ACACA: variants seen among roughly 807,000 people sequenced by gnomAD.
The protein encoded by ACACA is acetyl-CoA carboxylase 1.
Under a neutral mutation model 296.1 loss-of-function variants are expected in ACACA, and 103 were observed. The observed-to-expected ratio is 0.35, with a 90% CI of 0.30 to 0.41. The LOEUF (loss-of-function observed/expected upper bound fraction) is 0.41. ACACA is among the 10% of genes least tolerant of loss of function. ACACA has a pLI of 1.00. For synonymous variants in ACACA, 953 were observed against 1,038.6 expected, an observed-to-expected ratio of 0.92 and a Z score of 1.58; for missense variants, 1,554 against 2,989.7, an observed-to-expected ratio of 0.52 and a Z score of 11.20.
At chr17:37,295,415 G>C (rs2083280209) in intron 3 of ACACA, among the ~76,000 whole-genome samples, 1 of 152,198 alleles carries the variant, frequency 6.6e-6, no homozygotes, top group South Asian at 2.1e-4. Context: ...AGTTCTTGGT[G>C]TTTTGAACAA....
At chr17:37,102,474 T>C (rs184126144) in intron 52 of ACACA, among the ~76,000 whole-genome samples, 8 of 152,296 alleles carry the variant, frequency 5.3e-5, no homozygotes, top group Non-Finnish European at 1.2e-4. Flanking sequence ...AGTGCTGGGA[T>C]TACAGGTGTG....
intron 3 of ACACA, among the ~76,000 whole-genome samples, chr17:37,316,282 C>A (rs535087383): frequency 1.1e-4 from 16 of 146,868 alleles, no homozygotes; most frequent in Admixed American, 3.5e-4. Flanking sequence ...ATTGTCTACC[C>A]TACCAGCTCT....
At chr17:37,324,458 T>G (rs1158044993) in intron 3 of ACACA, among the ~76,000 whole-genome samples, 1 of 149,080 alleles carries the variant, frequency 6.7e-6, no homozygotes, top group South Asian at 2.1e-4. Context: ...TCACGTGAGG[T>G]CGGGAGTTTG....
At chr17:37,246,670 CG>C (rs550098191) in intron 19 of ACACA, among the ~76,000 whole-genome samples, 155 bp downstream of exon 19, 98 of 152,146 alleles carry the variant, frequency 6.4e-4, no homozygotes, top group Non-Finnish European at 1.2e-3. Context: ...TGGGCTCAAG[CG>C]ATCTTCCTGC....
At chr17:37,275,816 G>T in intron 8 of ACACA, 135 bp downstream of exon 8, 1 of 793,578 alleles carries the variant, frequency 1.3e-6, no homozygotes, top group Non-Finnish European at 2.2e-6. Context: ...TAAGCTAGGA[G>T]CTACAAGGTA....
intron 39 of ACACA, among the ~76,000 whole-genome samples, chr17:37,181,900 C>CAA (rs61045031): frequency 0.055 from 1,208 of 22,144 alleles, 152 homozygotes; most frequent in African/African-American, 0.092. Flanking sequence ...ACTCTGTATC[C>CAA]AAAAAAAAAA....
At chr17:37,268,772 G>A (rs1187636921) in intron 10 of ACACA, among the ~76,000 whole-genome samples, 1 of 96,062 alleles carries the variant, frequency 1.0e-5, no homozygotes, top group Non-Finnish European at 2.0e-5. Flanking sequence ...TATATATCTG[G>A]TTCAGCTTTT....
At chr17:37,300,699 T>C (rs1321086745) in intron 3 of ACACA, among the ~76,000 whole-genome samples, 2 of 152,058 alleles carry the variant, frequency 1.3e-5, no homozygotes, top group Admixed American at 1.3e-4. Context: ...GCAACTTAAG[T>C]TGTAAAGACT....
At chr17:37,229,334 CTCTCTGTTCCGCAGGCTGGAGTGCAGTG>C (rs1348392826) in intron 25 of ACACA, among the ~76,000 whole-genome samples, 5 of 151,916 alleles carry the variant, frequency 3.3e-5, no homozygotes, top group Non-Finnish European at 7.4e-5. Flanking sequence ...GACGGAGTCT[CTCTCTGTTCCGCAGGCTGGAGTGCAGTG>C]GCGCAATCTT....
rs767069964 is a variant in ACACA at position 37,252,076 on chromosome 17, C to T, written c.2010G>A (p.Val670=). The part of the protein sequence containing the change: ...AERPDTMLGV[V]CGALHVADVS... ...CATCTGCCACGTGGAGGGCACCACACACAACCCCCAACATGGTGTCAGGTC... is the reference window on the plus strand; with the variant it reads ...CATCTGCCACGTGGAGGGCACCACATACAACCCCCAACATGGTGTCAGGTC... Residue 670 remains valine (V), a synonymous_variant, in exon 16 of 56, where the codon GTG becomes GTA. Transcript: ENST00000616317. The T allele has an allele frequency of 6.2e-7, 1 of 1,614,174 alleles. No homozygotes were observed. The highest frequency in any genetic ancestry group is 2.2e-5 in the East Asian group (1 of 44,886).
At chr17:37,219,492 C>T (rs1017606082) in intron 29 of ACACA, among the ~76,000 whole-genome samples, 6 of 152,108 alleles carry the variant, frequency 3.9e-5, no homozygotes, top group African/African-American at 1.4e-4. Flanking sequence ...CCACTTATGG[C>T]CCCATCTGAA....
intron 3 of ACACA, among the ~76,000 whole-genome samples, chr17:37,317,280 T>C (rs1002094623): frequency 6.6e-6 from 1 of 152,050 alleles, no homozygotes; most frequent in Non-Finnish European, 1.5e-5. Flanking sequence ...TATTCCTCAG[T>C]GTTTCTATTT....
chr17:37,315,587 G>C (rs1291808091), intron 3 of ACACA, among the ~76,000 whole-genome samples: 2 of 152,178 alleles, frequency 1.3e-5, no homozygotes, highest in Non-Finnish European at 2.9e-5. Flanking sequence ...AGATTCCCAT[G>C]ACCCCTTCCT....
chr17:37,134,321 C>G (rs531349894), intron 45 of ACACA, among the ~76,000 whole-genome samples: 1 of 152,244 alleles, frequency 6.6e-6, no homozygotes, highest in South Asian at 2.1e-4. Context: ...ACTTCCTTTC[C>G]CCCATGCTCC....
rs190020057 is a variant in ACACA at position 37,140,397 on chromosome 17, C to T, written c.5679+9467G>A. ...ATTTTATATATAATACCCTAATACG[C>T]AATAACTTTAAAAATTCCCCACCTC... On this transcript the variant is annotated intron_variant, in intron 45 of 55. Transcript: ENST00000616317. Among the ~76,000 whole-genome samples the T allele has an allele frequency of 2.1e-3, 323 of 152,060 alleles. 2 individuals are homozygous for T. Among genetic ancestry groups the T allele is most frequent in the Non-Finnish European group, 3.1e-3 (212 of 67,994 alleles).
chr17:37,089,633 G>C (rs1338785208), intron 54 of ACACA, among the ~76,000 whole-genome samples: 3 of 152,184 alleles, frequency 2.0e-5, no homozygotes, highest in African/African-American at 7.2e-5. Flanking sequence ...GGGAAGTCTT[G>C]TTGCCAGGGT....
At chr17:37,105,028 A>G (rs1457256005) in intron 52 of ACACA, among the ~76,000 whole-genome samples, 1 of 150,322 alleles carries the variant, frequency 6.7e-6, no homozygotes, top group Non-Finnish European at 1.5e-5. Context: ...TTTTTTGCCC[A>G]GCCATATCAC....
intron 29 of ACACA, among the ~76,000 whole-genome samples, chr17:37,215,189 A>T (rs1434026973): frequency 6.6e-6 from 1 of 152,188 alleles, no homozygotes; most frequent in Non-Finnish European, 1.5e-5. Context: ...ATAACACAGA[A>T]GGCCAAATTC....
intron 11 of ACACA, among the ~76,000 whole-genome samples, chr17:37,260,290 ATATATATTT>A (rs2081435876): frequency 5.7e-5 from 1 of 17,554 alleles, no homozygotes; most frequent in Non-Finnish European, 1.0e-4. Context: ...ATATATATAT[ATATATATTT>A]TTTTTTTTTT....
Sources: gnomAD v4.1 joint callset for allele counts (sites outside exome capture counted in the v4.1 genomes callset) on GRCh38, gnomAD v4.1.1 for gene constraint, MANE v1.5 for transcripts, NCBI Gene and HGNC (gene_info 2026-07-23, HGNC 2026-07-21) for gene names.